The following KCNIP1 variants were observed in gnomAD, a reference collection of about 807,000 sequenced individuals.
The protein encoded by KCNIP1 is potassium voltage-gated channel interacting protein 1.
KCNIP1 carries 18 observed loss-of-function variants against 33.0 expected under a neutral mutation model. The observed-to-expected ratio is 0.55, with a 90% CI of 0.38 to 0.81. The LOEUF is 0.81. Among genes scored for constraint, KCNIP1 ranks in the 30% least tolerant of loss-of-function variants. KCNIP1 has a pLI of 0.00. For synonymous variants in KCNIP1, 93 were observed against 98.3 expected (o/e 0.95, Z 0.32); for missense variants, 238 against 271.6 (o/e 0.88, Z 0.87).
intron 1 of KCNIP1, among the ~76,000 whole-genome samples, chr5:170,524,066 G>T (rs1195634106): frequency 6.6e-6 from 1 of 152,102 alleles, no homozygotes. Flanking sequence ...TCTTGTGGTG[G>T]CCTCCTCCCT....
intron 1 of KCNIP1, among the ~76,000 whole-genome samples, chr5:170,366,822 C>T (rs547115751): frequency 5.1e-4 from 78 of 152,322 alleles, no homozygotes; most frequent in African/African-American, 1.0e-3. Flanking sequence ...GCCACACAGC[C>T]GATGACTCAT....
intron 1 of KCNIP1, among the ~76,000 whole-genome samples, chr5:170,627,550 G>A (rs1224038874): frequency 6.6e-6 from 1 of 152,206 alleles, no homozygotes; most frequent in African/African-American, 2.4e-5. Flanking sequence ...CAGGGCCACC[G>A]GCCACTGCTC....
intron 1 of KCNIP1, among the ~76,000 whole-genome samples, chr5:170,624,720 A>C (rs576398677): frequency 2.7e-5 from 1 of 37,724 alleles, no homozygotes; most frequent in Non-Finnish European, 4.7e-5. Context: ...AGAGGAAAGG[A>C]GACCGGGGAG....
At chr5:170,469,922 C>A (rs766576122) in intron 1 of KCNIP1, among the ~76,000 whole-genome samples, 13 of 152,174 alleles carry the variant, frequency 8.5e-5, no homozygotes, top group Non-Finnish European at 1.9e-4. Flanking sequence ...TTCAATAGAG[C>A]TTTTCTCTCT....
intron 1 of KCNIP1, among the ~76,000 whole-genome samples, chr5:170,409,403 T>G (rs1755120584): frequency 6.6e-6 from 1 of 152,158 alleles, no homozygotes; most frequent in Non-Finnish European, 1.5e-5. Flanking sequence ...GGGTGTGAAC[T>G]CATGTGTCCA....
rs374515840 is a variant in KCNIP1, at chr5:170,484,797, G to A, written c.88+130833G>A. 1.1e-4 allele frequency among the ~76,000 whole-genome samples: 17 copies of A among 150,804 alleles called. No individual in the cohort carries two copies. The East Asian group carries it at 1.8e-3, about 16-fold the overall frequency. The stretch of plus-strand genomic sequence containing the variant: ...CTCCACCTTTCCACCCTCTCTCTGC[G>A]TTCTGCTTCTCCCTTCTTCCTTCCG... On this transcript the variant is annotated intron_variant, in intron 1 of 7. Transcript: ENST00000377360.
intron 1 of KCNIP1, among the ~76,000 whole-genome samples, chr5:170,692,885 G>T (rs1339949700): frequency 6.6e-6 from 1 of 152,170 alleles, no homozygotes; most frequent in South Asian, 2.1e-4. Context: ...AAAGAAGTTT[G>T]CCTTCCCCAA....
At chr5:170,619,878 T>A (rs1339688293) in intron 1 of KCNIP1, among the ~76,000 whole-genome samples, 1 of 152,102 alleles carries the variant, frequency 6.6e-6, no homozygotes, top group Non-Finnish European at 1.5e-5. Context: ...AATCCTCAGA[T>A]CACTATGTCA....
chr5:170,401,860 G>A (rs549373604), intron 1 of KCNIP1, among the ~76,000 whole-genome samples: 1 of 152,174 alleles, frequency 6.6e-6, no homozygotes, highest in African/African-American at 2.4e-5. Flanking sequence ...TCATAGAGTT[G>A]CTGTGACACA....
chr5:170,434,315 T>TAC (rs1183004543), intron 1 of KCNIP1, among the ~76,000 whole-genome samples: 20 of 152,340 alleles, frequency 1.3e-4, no homozygotes, highest in African/African-American at 4.8e-4. Context: ...CATATATATA[T>TAC]ACACACACAT....
At chr5:170,708,174 C>T (rs1222089624) in intron 1 of KCNIP1, among the ~76,000 whole-genome samples, 1 of 152,158 alleles carries the variant, frequency 6.6e-6, no homozygotes, top group Admixed American at 6.5e-5. Context: ...CTCTCTGCTC[C>T]ATGCAAGCAC....
chr5:170,700,518 G>A (rs1234671569), intron 1 of KCNIP1, among the ~76,000 whole-genome samples: 6 of 152,282 alleles, frequency 3.9e-5, no homozygotes, highest in African/African-American at 7.2e-5. Context: ...GTGGTAAGCC[G>A]TGATTGCCCC....
chr5:170,400,967 T>C (rs567225373), intron 1 of KCNIP1, among the ~76,000 whole-genome samples: 1 of 152,344 alleles, frequency 6.6e-6, no homozygotes, highest in South Asian at 2.1e-4. Flanking sequence ...ATGTAACTAG[T>C]GATATTGGAT....
intron 1 of KCNIP1, among the ~76,000 whole-genome samples, chr5:170,559,390 A>G (rs1378882972): frequency 2.0e-5 from 3 of 152,198 alleles, no homozygotes; most frequent in Admixed American, 6.5e-5. Flanking sequence ...TATCTAGCAT[A>G]CGAACTGTTT....
At chr5:170,712,702 C>A in intron 1 of KCNIP1, 2 of 773,428 alleles carry the variant, frequency 2.6e-6, no homozygotes, top group South Asian at 2.9e-5. Flanking sequence ...GGACAGGGAG[C>A]TCAGCTCCAG....
chr5:170,430,045 TC>T (rs1373503074), intron 1 of KCNIP1, among the ~76,000 whole-genome samples: 1 of 152,168 alleles, frequency 6.6e-6, no homozygotes, highest in African/African-American at 2.4e-5. Context: ...CACCACTTAT[TC>T]CTCTTGTCCC....
intron 1 of KCNIP1, among the ~76,000 whole-genome samples, chr5:170,656,555 A>G (rs1451690828): frequency 6.6e-6 from 1 of 152,208 alleles, no homozygotes; most frequent in Non-Finnish European, 1.5e-5. Context: ...TGGACAATAA[A>G]GACCCTGTGA....
intron 1 of KCNIP1, among the ~76,000 whole-genome samples, chr5:170,494,555 G>A (rs1757273261): frequency 6.6e-6 from 1 of 152,132 alleles, no homozygotes; most frequent in African/African-American, 2.4e-5. Context: ...CGAATGCCAC[G>A]GCTCTTGGAA....
intron 7 of KCNIP1, among the ~76,000 whole-genome samples, chr5:170,735,173 C>T (rs759498921): frequency 2.6e-5 from 4 of 152,050 alleles, no homozygotes; most frequent in Non-Finnish European, 4.4e-5. Flanking sequence ...TGAAAGAGAG[C>T]GCTTTGGGGG....
Sources: gnomAD v4.1 joint callset for allele counts (sites outside exome capture counted in the v4.1 genomes callset) on GRCh38, gnomAD v4.1.1 for gene constraint, MANE v1.5 for transcripts, NCBI Gene and HGNC (gene_info 2026-07-23, HGNC 2026-07-21) for gene names.